The following SIL1 variants were observed in gnomAD, a reference collection of about 807,000 sequenced individuals.
The protein encoded by SIL1 is SIL1 nucleotide exchange factor, also known as nucleotide exchange factor SIL1.
In SIL1, 40 loss-of-function variants were observed where a neutral mutation model predicts 49.1. The ratio of observed to expected loss-of-function variants is 0.81; its 90% CI spans 0.63 to 1.06. The LOEUF is 1.06. SIL1 is among the 50% of genes least tolerant of loss of function. SIL1 has a pLI of 0.00. For missense variants in SIL1, 500 were observed against 572.6 expected, an observed-to-expected ratio of 0.87 and a Z score of 1.29; for synonymous variants, 253 against 250.8, an observed-to-expected ratio of 1.01 and a Z score of -0.08.
At chr5:139,028,452 C>A (rs1394168533) in intron 5 of SIL1, among the ~76,000 whole-genome samples, 1 of 152,042 alleles carries the variant, frequency 6.6e-6, no homozygotes, top group African/African-American at 2.4e-5. Context: ...GAGCGGAGAT[C>A]GTGCCACTGC....
Position 138,947,509 on chromosome 5 carries a change from G to C in SIL1, c.1030-36C>G, listed in dbSNP as rs553785706. 168 of 1,589,138 alleles carry C rather than the reference G, an allele frequency of 1.1e-4. 2 individuals are homozygous for C. The South Asian group carries it at 1.7e-3, about 16-fold the overall frequency. On this transcript the variant is annotated intron_variant, in intron 9 of 9. Transcript: ENST00000394817. The surrounding 1 kb of genome is among the most constrained non-coding windows in gnomAD (Gnocchi z 4.1). ...CCACAGCCGCAGGCCAGGTAGGGTG[G>C]GGGTGGGGAGAGAACACACAGGGAG...
At chr5:139,023,037 C>G (rs1252593873) in intron 6 of SIL1, among the ~76,000 whole-genome samples, 1 of 152,204 alleles carries the variant, frequency 6.6e-6, no homozygotes, top group Non-Finnish European at 1.5e-5. Flanking sequence ...CAAAGCAACA[C>G]AGCCCAGAAT....
At chr5:139,025,390 C>G in intron 6 of SIL1, among the ~76,000 whole-genome samples, 1 of 152,210 alleles carries the variant, frequency 6.6e-6, no homozygotes, top group East Asian at 1.9e-4. Context: ...CTCTGTGCCT[C>G]ATTTTCCTCG....
intron 3 of SIL1, among the ~76,000 whole-genome samples, chr5:139,103,142 C>A (rs766182607): frequency 9.9e-5 from 15 of 152,190 alleles, no homozygotes; most frequent in Non-Finnish European, 1.8e-4. Context: ...ATGTAGTGAA[C>A]TTACAAGGCA....
intron 5 of SIL1, among the ~76,000 whole-genome samples, chr5:139,027,574 A>T (rs994808985): frequency 1.3e-5 from 2 of 152,198 alleles, no homozygotes; most frequent in African/African-American, 4.8e-5. Context: ...GAAATGGCTA[A>T]ATTACTATAT....
chr5:139,161,944 T>G (rs1561885505), intron 1 of SIL1, among the ~76,000 whole-genome samples: 1 of 151,068 alleles, frequency 6.6e-6, no homozygotes, highest in Non-Finnish European at 1.5e-5. Context: ...GGCTGGGAAG[T>G]GGTCGTTGCA....
At chr5:138,973,008 G>A (rs1386988266) in intron 7 of SIL1, among the ~76,000 whole-genome samples, 1 of 152,136 alleles carries the variant, frequency 6.6e-6, no homozygotes, top group East Asian at 1.9e-4. Context: ...ATGGAGCTGA[G>A]GCTGGCCACA....
chr5:139,158,515 G>A (rs1462826777), intron 1 of SIL1, among the ~76,000 whole-genome samples: 4 of 152,182 alleles, frequency 2.6e-5, no homozygotes, highest in South Asian at 2.1e-4. Context: ...CAAACCCCTC[G>A]GATTTAGCAG....
chr5:139,101,483 G>T (rs1770586503), intron 3 of SIL1, among the ~76,000 whole-genome samples: 1 of 152,150 alleles, frequency 6.6e-6, no homozygotes, highest in Admixed American at 6.6e-5. Flanking sequence ...ATCAGTTATT[G>T]ACCTGTGTGG....
At chr5:139,077,875 G>A (rs1359311240) in intron 3 of SIL1, among the ~76,000 whole-genome samples, 1 of 152,162 alleles carries the variant, frequency 6.6e-6, no homozygotes, top group East Asian at 1.9e-4. Context: ...ACCCTAGGAG[G>A]AGGAGATTAT....
chr5:139,191,010 T>C (rs1581161873), intron 1 of SIL1, among the ~76,000 whole-genome samples: 1 of 151,966 alleles, frequency 6.6e-6, no homozygotes, highest in African/African-American at 2.4e-5. Flanking sequence ...GGTGAGCAGA[T>C]TACCTGATGT....
In SIL1 at chr5:138,978,806, T is replaced by C. The variant is rs529833695; in HGVS notation, c.768-26922A>G. Among the ~76,000 whole-genome samples, 17 of 152,346 alleles carry C rather than the reference T, an allele frequency of 1.1e-4. No individual in the cohort carries two copies. In the East Asian group the frequency reaches 2.5e-3, roughly 22 times the overall value. On this transcript the variant is annotated intron_variant, in intron 7 of 9. Coordinates refer to ENST00000394817, the MANE Select transcript of SIL1 (RefSeq NM_022464.5). ...ATCATTTCCTGTACTTACTGCACAT[T>C]TGCATTATCTTGTCTGGACAGCTGT...
intron 3 of SIL1, among the ~76,000 whole-genome samples, chr5:139,095,883 A>G (rs1324177268): frequency 6.6e-6 from 1 of 152,154 alleles, no homozygotes; most frequent in Admixed American, 6.5e-5. Context: ...TTGAGAAGAC[A>G]CAGAACAAGA....
At chr5:139,141,241 T>C (rs967714994) in intron 1 of SIL1, among the ~76,000 whole-genome samples, 4 of 152,266 alleles carry the variant, frequency 2.6e-5, no homozygotes, top group South Asian at 2.1e-4. Context: ...ACTCAAAAAA[T>C]AGCCATTGAT....
chr5:138,999,271 C>A (rs961940855), intron 7 of SIL1, among the ~76,000 whole-genome samples: 1 of 152,138 alleles, frequency 6.6e-6, no homozygotes, highest in African/African-American at 2.4e-5. Flanking sequence ...TCTTTCATTT[C>A]TTTTGTTAAA....
intron 7 of SIL1, among the ~76,000 whole-genome samples, chr5:138,955,312 T>C (rs1766878428): frequency 6.6e-6 from 1 of 152,172 alleles, no homozygotes; most frequent in African/African-American, 2.4e-5. Context: ...TAAATACCAT[T>C]AGCACTTGGA....
At chr5:138,957,087 GAC>G (rs1267954096) in intron 7 of SIL1, among the ~76,000 whole-genome samples, 2 of 151,938 alleles carry the variant, frequency 1.3e-5, no homozygotes, top group Non-Finnish European at 2.9e-5. Flanking sequence ...CCTACTGACA[GAC>G]ACACACACAA....
chr5:138,976,242 T>C (rs1439154478), intron 7 of SIL1, among the ~76,000 whole-genome samples: 1 of 152,096 alleles, frequency 6.6e-6, no homozygotes, highest in Non-Finnish European at 1.5e-5. Context: ...AACAACAATA[T>C]TAGAAGCTAC....
chr5:138,995,380 G>A (rs1289591486), intron 7 of SIL1, among the ~76,000 whole-genome samples: 2 of 151,972 alleles, frequency 1.3e-5, no homozygotes, highest in Non-Finnish European at 2.9e-5. Flanking sequence ...AAGTAGCTGG[G>A]ATTACAGGCA....
Sources: allele counts gnomAD v4.1 joint callset (sites outside exome capture counted in the v4.1 genomes callset), GRCh38; gene constraint gnomAD v4.1.1; non-coding constraint Gnocchi (gnomAD v3.1); transcripts MANE v1.5; gene names NCBI Gene and HGNC (gene_info 2026-07-23, HGNC 2026-07-21).